The following CCDC7 variants were observed in gnomAD, a reference collection of about 807,000 sequenced individuals.
The protein encoded by CCDC7 is coiled-coil domain-containing protein 7.
A neutral mutation model predicts 196.9 loss-of-function variants in CCDC7; 183 were observed. The ratio of observed to expected loss-of-function variants is 0.93; its 90% CI spans 0.82 to 1.05. The LOEUF is 1.05. Ranked by LOEUF, CCDC7 falls within the 50% of genes least tolerant of loss-of-function variation. The pLI, the probability that CCDC7 is intolerant of heterozygous loss-of-function variation, is 0.00. For missense variants in CCDC7, 1,540 were observed against 1,482.2 expected (o/e 1.04, Z -0.64); for synonymous variants, 525 against 484.6 (o/e 1.08, Z -1.10).
chr10:32,848,526 G>A (rs751186339), intron 38 of CCDC7, 70 bp from the exon 40 acceptor site: 10 of 1,124,422 alleles, frequency 8.9e-6, no homozygotes, highest in Admixed American at 2.3e-5. Context: ...AGACAAATAC[G>A]TGGAGATGGG....
At chr10:32,528,316 G>T (rs4747781) in intron 11 of CCDC7, among the ~76,000 whole-genome samples, 20,954 of 151,520 alleles carry the variant, frequency 0.14, 1,750 homozygotes, top group East Asian at 0.25. Context: ...ACATGAATAG[G>T]TTCTTTAGTG....
intron 20 of CCDC7, among the ~76,000 whole-genome samples, chr10:32,652,619 T>C (rs1399946902): frequency 6.6e-6 from 1 of 152,162 alleles, no homozygotes; most frequent in Non-Finnish European, 1.5e-5. Context: ...AAACATCTTA[T>C]GTAACTAATT....
In CCDC7 at chr10:32,559,562, G is replaced by A. The variant is rs557633959; in HGVS notation, c.1135-5996G>A. ...CACTGCTGCTGTTATCCAGGTAGAC[G>A]GTCTGGAGTGGACCTCTAGCAAACT... On this transcript the variant is annotated intron_variant, in intron 13 of 41. Transcript: ENST00000639629. 1.5e-4 allele frequency among the ~76,000 whole-genome samples: 23 copies of A among 152,260 alleles called. 1 individual carries two copies. Among genetic ancestry groups the A allele is most frequent in the Admixed American group, 2.6e-4 (4 of 15,290 alleles).
chr10:32,806,623 G>C (rs777511646), intron 30 of CCDC7, among the ~76,000 whole-genome samples: 5 of 151,938 alleles, frequency 3.3e-5, no homozygotes, highest in Non-Finnish European at 5.9e-5. Flanking sequence ...TTACTAGAGG[G>C]GTTCAAGTAC....
intron 21 of CCDC7, among the ~76,000 whole-genome samples, chr10:32,673,566 T>C (rs1182041874): frequency 6.6e-6 from 1 of 152,060 alleles, no homozygotes; most frequent in Non-Finnish European, 1.5e-5. Context: ...GATAGTTCGT[T>C]GTTAGTATAT....
At chr10:32,540,073 C>T (rs996399705) in intron 11 of CCDC7, among the ~76,000 whole-genome samples, 6 of 151,920 alleles carry the variant, frequency 3.9e-5, no homozygotes, top group Non-Finnish European at 5.9e-5. Flanking sequence ...TTATTTTCTG[C>T]CTCAATGGTC....
intron 20 of CCDC7, among the ~76,000 whole-genome samples, chr10:32,662,947 C>G (rs1591299202): frequency 6.6e-6 from 1 of 152,124 alleles, no homozygotes; most frequent in Admixed American, 6.6e-5. Context: ...GAAGAGTGAT[C>G]AGAAAAGGTT....
At chr10:32,716,882 A>G (rs2081670354) in intron 25 of CCDC7, among the ~76,000 whole-genome samples, 3 of 152,226 alleles carry the variant, frequency 2.0e-5, no homozygotes, top group Admixed American at 2.0e-4. Context: ...ATACAGGAGC[A>G]CCCAGATTCA....
At chr10:32,879,178 A>T (rs536432803), downstream of CCDC7, among the ~76,000 whole-genome samples, 2 of 151,742 alleles carry the variant, frequency 1.3e-5, no homozygotes, top group East Asian at 3.9e-4. Context: ...ATCCTTTTTT[A>T]AAAAAATTTT....
At chr10:32,524,964 A>G (rs1589512830) in intron 11 of CCDC7, among the ~76,000 whole-genome samples, 1 of 152,034 alleles carries the variant, frequency 6.6e-6, no homozygotes, top group Non-Finnish European at 1.5e-5. Flanking sequence ...TGAATAAACT[A>G]TCTACCCCAT....
At chr10:32,679,399 G>T (rs939358058) in intron 21 of CCDC7, among the ~76,000 whole-genome samples, 2 of 152,238 alleles carry the variant, frequency 1.3e-5, no homozygotes, top group South Asian at 2.1e-4. Context: ...TGCTGTTTGG[G>T]TTGCTTGTTG....
chr10:32,775,190 C>G (rs1299182264), intron 28 of CCDC7, among the ~76,000 whole-genome samples: 2 of 152,084 alleles, frequency 1.3e-5, no homozygotes, highest in African/African-American at 4.8e-5. Flanking sequence ...GGAGGAAAAC[C>G]TGTGTACTGT....
chr10:32,521,639 C>T (rs2047899636), intron 11 of CCDC7, among the ~76,000 whole-genome samples: 1 of 149,688 alleles, frequency 6.7e-6, no homozygotes, highest in Non-Finnish European at 1.5e-5. Context: ...ACCATACCAT[C>T]TGCAAACAAG....
At chr10:32,850,215 G>A (rs996416812) in intron 39 of CCDC7, among the ~76,000 whole-genome samples, 1 of 152,116 alleles carries the variant, frequency 6.6e-6, no homozygotes, top group African/African-American at 2.4e-5. Context: ...ATCTTGCACG[G>A]CCTACCTTGG....
chr10:32,443,856 G>A (rs961507029), upstream of CCDC7, among the ~76,000 whole-genome samples: 6 of 151,930 alleles, frequency 3.9e-5, no homozygotes, highest in Non-Finnish European at 5.9e-5. Context: ...GATCATAAAC[G>A]CATTTAATGT....
chr10:32,671,078 A>G (rs940607565), intron 21 of CCDC7, among the ~76,000 whole-genome samples: 10 of 152,204 alleles, frequency 6.6e-5, no homozygotes, highest in Admixed American at 4.6e-4. Context: ...ATTATTGAAT[A>G]AAGAAAATTC....
At chr10:32,647,591 T>C (rs72782235) in intron 20 of CCDC7, among the ~76,000 whole-genome samples, 17,296 of 152,264 alleles carry the variant, frequency 0.11, 1,174 homozygotes, top group South Asian at 0.27. Flanking sequence ...TAATTAGTGA[T>C]GCTGATCATT....
At chr10:32,644,912 A>G (rs1053573759) in intron 20 of CCDC7, among the ~76,000 whole-genome samples, 5 of 152,228 alleles carry the variant, frequency 3.3e-5, no homozygotes, top group Non-Finnish European at 7.3e-5. Flanking sequence ...ACAACTGGAT[A>G]GTATTCATTG....
chr10:32,634,295 A>G (rs889171976), exon 19 of CCDC7: 7 of 1,220,208 alleles, frequency 5.7e-6, no homozygotes, highest in Middle Eastern at 3.1e-4. Context: ...GGTTGAAAAT[A>G]AAGATTCAGT....
Sources: gnomAD v4.1 joint callset for allele counts (sites outside exome capture counted in the v4.1 genomes callset) on GRCh38, gnomAD v4.1.1 for gene constraint, MANE v1.5 for transcripts, NCBI Gene and HGNC (gene_info 2026-07-23, HGNC 2026-07-21) for gene names.